PTPRN2: variants seen among roughly 807,000 people sequenced by gnomAD.
PTPRN2 encodes the protein receptor-type tyrosine-protein phosphatase N2.
Under a neutral mutation model 118.8 loss-of-function variants are expected in PTPRN2, and 74 were observed. The observed-to-expected ratio is 0.62, with a 90% CI of 0.52 to 0.76. PTPRN2 has a LOEUF of 0.76. PTPRN2 is among the 30% of genes least tolerant of loss of function. The probability of loss-of-function intolerance (pLI) is 0.00; values close to 1 mark genes in which losing one functional copy is unlikely to be tolerated. For missense variants in PTPRN2, 1,481 were observed against 1,394.4 expected (o/e 1.06, Z -0.99); for synonymous variants, 641 against 608.0 (o/e 1.05, Z -0.80).
chr7:158,055,669 T>C (rs1218484574), intron 11 of PTPRN2, among the ~76,000 whole-genome samples: 1 of 152,204 alleles, frequency 6.6e-6, no homozygotes, highest in Non-Finnish European at 1.5e-5. Flanking sequence ...TCCTCTCTCC[T>C]CTGCCTCGGC....
In PTPRN2 at chr7:157,874,323, C is replaced by A. The variant is rs1314415322; in HGVS notation, c.1788+24350G>T. The stretch of plus-strand genomic sequence containing the variant: ...GACTGCAGTGCTCCACTTGGCCTCG[C>A]CCACCTCTCAGCCCATTTTCAACGT... On this transcript the variant is annotated intron_variant, in intron 12 of 22. Transcript: ENST00000389418. The surrounding 1 kb of genome is among the most constrained non-coding windows in gnomAD (Gnocchi z 5.8). 2.6e-5 allele frequency among the ~76,000 whole-genome samples: 4 copies of A among 152,140 alleles called. No homozygotes were observed. The highest frequency in any genetic ancestry group is 9.7e-5 in the African/African-American group (4 of 41,436).
chr7:158,430,018 CT>C (rs1816040438), intron 2 of PTPRN2, among the ~76,000 whole-genome samples: 1 of 152,192 alleles, frequency 6.6e-6, no homozygotes, highest in Non-Finnish European at 1.5e-5. Context: ...AGCAATTCTC[CT>C]TCCTCAGCCT....
intron 12 of PTPRN2, among the ~76,000 whole-genome samples, chr7:157,832,578 A>G (rs1395175664): frequency 1.3e-5 from 2 of 152,180 alleles, no homozygotes; most frequent in Non-Finnish European, 2.9e-5. Flanking sequence ...TTGCTTCTAG[A>G]TGCCACAAAA....
At chr7:157,744,382 C>T (rs568110290) in intron 12 of PTPRN2, among the ~76,000 whole-genome samples, 3 of 152,288 alleles carry the variant, frequency 2.0e-5, no homozygotes, top group African/African-American at 7.2e-5. Context: ...GGGACCCGAC[C>T]TGGCGCCCGT....
chr7:158,260,313 T>G (rs553095018), intron 3 of PTPRN2, among the ~76,000 whole-genome samples: 1 of 152,340 alleles, frequency 6.6e-6, no homozygotes, highest in East Asian at 1.9e-4. Context: ...TTCATATCAG[T>G]GCCTGCAAAA....
rs1193117715 is a variant in PTPRN2, at chr7:157,787,863, C to T, written c.1789-104926G>A. Among the ~76,000 whole-genome samples, 1 of 152,160 alleles carries T rather than the reference C, an allele frequency of 6.6e-6. No homozygotes were observed. Among genetic ancestry groups the T allele is most frequent in the African/African-American group, 2.4e-5 (1 of 41,440 alleles). On this transcript the variant is annotated intron_variant, in intron 12 of 22. Coordinates refer to ENST00000389418, the MANE Select transcript of PTPRN2 (RefSeq NM_002847.5). This position sits in a 1 kb window ranked among gnomAD's most constrained non-coding sequence, Gnocchi z 5.3. ...TGTTCCCCTCTTGGCATCTCCCTCA[C>T]ACCTCTGCACCCCCAGTGGATAAAA...
intron 3 of PTPRN2, among the ~76,000 whole-genome samples, chr7:158,206,796 T>C (rs1470448457): frequency 6.6e-6 from 1 of 151,802 alleles, no homozygotes; most frequent in African/African-American, 2.4e-5. Context: ...TTTCTTTTTT[T>C]TTTTTAATTT....
chr7:158,461,981 C>T, intron 2 of PTPRN2, among the ~76,000 whole-genome samples: 1 of 152,304 alleles, frequency 6.6e-6, no homozygotes, highest in Non-Finnish European at 1.5e-5. Context: ...GGAGCCGGCG[C>T]TTGGGTGAAC....
intron 11 of PTPRN2, among the ~76,000 whole-genome samples, chr7:157,940,721 A>G (rs1800014212): frequency 8.9e-6 from 1 of 112,538 alleles, no homozygotes; most frequent in African/African-American, 4.3e-5. Context: ...TGACACTGCA[A>G]ATCTAACGCC....
rs1026375943 is a variant in PTPRN2, at chr7:158,587,545, G to A, written c.112+13C>T. On this transcript the variant is annotated intron_variant, in intron 1 of 22. Coordinates refer to ENST00000389418, the MANE Select transcript of PTPRN2 (RefSeq NM_002847.5). ...TTCATTGAGGCGCCCCTCCCCCGGCGCCCCCCACTCACCCAGACGCCCCGG... is the reference window on the plus strand; with the variant it reads ...TTCATTGAGGCGCCCCTCCCCCGGCACCCCCCACTCACCCAGACGCCCCGG... 1 of 1,245,004 alleles carries A rather than the reference G, an allele frequency of 8.0e-7. No homozygotes were observed. The highest frequency in any genetic ancestry group is 3.1e-5 in the South Asian group (1 of 31,952). The allele number at this position is 1,245,004 out of a possible 1,614,324, so 77.1% of individuals were successfully genotyped here. A position where few individuals can be genotyped will look rare whatever the true frequency, so the allele number is the denominator to read the frequency against.
At chr7:157,922,746 A>T (rs1798755648) in intron 11 of PTPRN2, among the ~76,000 whole-genome samples, 1 of 152,170 alleles carries the variant, frequency 6.6e-6, no homozygotes, top group Admixed American at 6.5e-5. Context: ...ATGTCACGGC[A>T]CGCTGCGGCA....
chr7:157,609,343 A>G lies in PTPRN2; in HGVS notation c.2345-5268T>C, dbSNP rs1264214386. On this transcript the variant is annotated intron_variant, in intron 15 of 22. Coordinates refer to ENST00000389418, the MANE Select transcript of PTPRN2 (RefSeq NM_002847.5). This position sits in a 1 kb window ranked among gnomAD's most constrained non-coding sequence, Gnocchi z 4.9. ...GGTTGCAGTGAGCTGAGACTGTGCC[A>G]TTGCACTCCAGCCTGGACAACAAGA... Among the ~76,000 whole-genome samples the G allele has an allele frequency of 1.3e-5, 2 of 152,200 alleles. No individual in the cohort carries two copies. Among genetic ancestry groups the G allele is most frequent in the East Asian group, 1.9e-4 (1 of 5,192 alleles).
chr7:157,955,840 G>C (rs555220990), intron 11 of PTPRN2, among the ~76,000 whole-genome samples: 1 of 152,316 alleles, frequency 6.6e-6, no homozygotes, highest in South Asian at 2.1e-4. Flanking sequence ...TTCATACGTG[G>C]AGGTCAGGAG....
chr7:158,375,155 G>A (rs1810402785), intron 2 of PTPRN2, among the ~76,000 whole-genome samples: 1 of 152,198 alleles, frequency 6.6e-6, no homozygotes, highest in Non-Finnish European at 1.5e-5. Context: ...TGGCCGGCCA[G>A]AGCATGAAGT....
intron 2 of PTPRN2, among the ~76,000 whole-genome samples, chr7:158,353,207 G>C (rs1394043721): frequency 2.0e-5 from 3 of 152,188 alleles, no homozygotes; most frequent in Non-Finnish European, 4.4e-5. Flanking sequence ...TGCAGATGTG[G>C]TCCTCACTCT....
At chr7:157,738,032 C>T (rs1800403242) in intron 12 of PTPRN2, among the ~76,000 whole-genome samples, 1 of 152,222 alleles carries the variant, frequency 6.6e-6, no homozygotes. Flanking sequence ...CAAAGGGCCT[C>T]ACTGTTCCTG....
chr7:158,221,029 A>T (rs1828324603), intron 3 of PTPRN2, among the ~76,000 whole-genome samples: 1 of 152,176 alleles, frequency 6.6e-6, no homozygotes, highest in Admixed American at 6.5e-5. Context: ...ACATAGACCA[A>T]TGGAACAGGT....
At chr7:157,572,499 T>G (rs1461250589) in intron 19 of PTPRN2, among the ~76,000 whole-genome samples, 1 of 152,192 alleles carries the variant, frequency 6.6e-6, no homozygotes, top group East Asian at 1.9e-4. Context: ...CTACAAACCT[T>G]TGAAGCCAGG....
chr7:158,314,123 C>T (rs1802095915), intron 3 of PTPRN2, among the ~76,000 whole-genome samples: 1 of 152,184 alleles, frequency 6.6e-6, no homozygotes, highest in Non-Finnish European at 1.5e-5. Context: ...TGATGATGTT[C>T]AGTGCCAGTT....
Sources: gnomAD v4.1 joint callset for allele counts (sites outside exome capture counted in the v4.1 genomes callset) on GRCh38, gnomAD v4.1.1 for gene constraint, Gnocchi (gnomAD v3.1) non-coding constraint, MANE v1.5 for transcripts, NCBI Gene and HGNC (gene_info 2026-07-23, HGNC 2026-07-21) for gene names.